CTR9: variants seen among roughly 807,000 people sequenced by gnomAD.
The protein encoded by CTR9 is RNA polymerase-associated protein CTR9 homolog.
A neutral mutation model predicts 152.1 loss-of-function variants in CTR9; 41 were observed. The ratio of observed to expected loss-of-function variants is 0.27; its 90% CI spans 0.21 to 0.35. The LOEUF (loss-of-function observed/expected upper bound fraction) is 0.35, where lower values mean the gene tolerates loss of function less well. CTR9 is among the 10% of genes least tolerant of loss of function. The probability of loss-of-function intolerance (pLI) is 1.00; values close to 1 mark genes in which losing one functional copy is unlikely to be tolerated. For synonymous variants in CTR9, 476 were observed against 496.2 expected, an observed-to-expected ratio of 0.96 and a Z score of 0.54; for missense variants, 917 against 1,424.4, an observed-to-expected ratio of 0.64 and a Z score of 5.73.
chr11:10,759,568 G>A (rs930732527), intron 5 of CTR9, among the ~76,000 whole-genome samples: 1 of 152,184 alleles, frequency 6.6e-6, no homozygotes, highest in Non-Finnish European at 1.5e-5. Context: ...AAGGGATATA[G>A]AATCAAGAGA....
chr11:10,767,103 A>C lies in CTR9; in HGVS notation c.1686+613A>C, dbSNP rs1863072268. 6.5e-6 allele frequency: 1 copy of C among 152,742 alleles called. No individual in the cohort carries two copies. The highest frequency in any genetic ancestry group is 2.4e-5 in the African/African-American group (1 of 41,462). 9.5% of individuals were successfully genotyped at this position (152,742 alleles called of 1,614,324 possible). A position where few individuals can be genotyped will look rare whatever the true frequency, so the allele number is the denominator to read the frequency against. On this transcript the variant is annotated intron_variant, in intron 13 of 24. Coordinates refer to ENST00000361367, the MANE Select transcript of CTR9 (RefSeq NM_014633.5). The surrounding 1 kb of genome is among the most constrained non-coding windows in gnomAD (Gnocchi z 4.0). ...ACTAAATGGATTTTACAACTTACTA[A>C]TGGGTATCAACTCAGTTTGAAAACC...
chr11:10,774,066 G>T lies in CTR9; in HGVS notation c.2782G>T (p.Asp928Tyr). Residue 928 changes from aspartate (D) to tyrosine (Y), a missense_variant, in exon 22 of 25, where the codon GAC becomes TAC. Physicochemically the swap from Asp to Tyr is radical, Grantham distance 160. Around this residue, in one of 9 missense-constraint regions of CTR9, gnomAD observed 384 missense variants for 398.4 expected, o/e 0.96. Transcript: ENST00000361367. ...ATTTGTCAATGATGACACTGATGATGACCTACCTATATCCAAAAAGAAGAA... is the reference window on the plus strand; with the variant it reads ...ATTTGTCAATGATGACACTGATGATTACCTACCTATATCCAAAAAGAAGAA... Reference protein sequence around the residue: ...DEFVNDDTDDDLPISKKKKRR... With the variant: ...DEFVNDDTDDYLPISKKKKRR... The T allele has an allele frequency of 6.2e-7, 1 of 1,613,210 alleles. No individual in the cohort carries two copies. The highest frequency in any genetic ancestry group is 1.1e-5 in the South Asian group (1 of 91,008).
intron 4 of CTR9, among the ~76,000 whole-genome samples, 161 bp from the exon 5 acceptor site, chr11:10,756,588 G>A (rs1229958787): frequency 6.6e-6 from 1 of 152,104 alleles, no homozygotes; most frequent in Non-Finnish European, 1.5e-5. Flanking sequence ...ACATAAATTA[G>A]TATACTTTTA....
Position 10,770,203 on chromosome 11 carries a change from A to G in CTR9, c.2110-7A>G, listed in dbSNP as rs772012925. The G allele has an allele frequency of 6.3e-7, 1 of 1,577,674 alleles. No homozygotes were observed. Among genetic ancestry groups the G allele is most frequent in the Non-Finnish European group, 8.6e-7 (1 of 1,160,188 alleles). Reference sequence around the variant, plus strand: ...GTGTTTTAATTAACTTTTTTCTTTTACTGTAGTATGAAAACTGCCTCCGAA... The same window carrying G: ...GTGTTTTAATTAACTTTTTTCTTTTGCTGTAGTATGAAAACTGCCTCCGAA... On this transcript the variant is annotated splice_region_variant and splice_polypyrimidine_tract_variant and intron_variant, in intron 16 of 24. Transcript: ENST00000361367.
At chr11:10,752,808 C>T in intron 2 of CTR9, 38 bp downstream of exon 2, 1 of 1,497,782 alleles carries the variant, frequency 6.7e-7, no homozygotes. Context: ...TATTTGTTGA[C>T]TAGGAAAATA....
intron 7 of CTR9, among the ~76,000 whole-genome samples, chr11:10,762,331 A>G (rs1005812188): frequency 2.6e-5 from 4 of 152,224 alleles, no homozygotes; most frequent in African/African-American, 9.6e-5. Flanking sequence ...GTTCAATTTC[A>G]TAGAAAGAGC....
At chr11:10,754,598 G>C (rs1862856397) in intron 2 of CTR9, among the ~76,000 whole-genome samples, 1 of 151,716 alleles carries the variant, frequency 6.6e-6, no homozygotes, top group Admixed American at 6.6e-5. Context: ...CCTAATCCCT[G>C]TGCCAGACAA....
chr11:10,779,019 G>A lies in CTR9; in HGVS notation c.3436G>A (p.Gly1146Ser). 6.2e-7 allele frequency: 1 copy of A among 1,614,176 alleles called. No homozygotes were observed. The highest frequency in any genetic ancestry group is 8.5e-7 in the Non-Finnish European group (1 of 1,180,032). The change falls in exon 25 of 25, where the codon GGC (glycine) becomes AGC (serine). Residue 1146 changes from glycine (G) to serine (S), a missense_variant. Physicochemically the swap from Gly to Ser is moderately conservative, Grantham distance 56. This residue lies in a region of CTR9 where 384 missense variants were observed against 398.4 expected (regional missense o/e 0.96). Transcript: ENST00000361367. Reference protein sequence around the residue: ...RGSDNEGSGQGSGNESEPEGS... With the variant: ...RGSDNEGSGQSSGNESEPEGS... ...ATCTGATAATGAGGGTTCTGGCCAA[G>A]GCTCTGGAAATGAATCGGAACCAGA...
At chr11:10,755,831 G>A (rs1862876001) in intron 4 of CTR9, 36 bp downstream of exon 4, 3 of 1,300,826 alleles carry the variant, frequency 2.3e-6, no homozygotes, top group South Asian at 1.2e-5. Flanking sequence ...GGAAACAGTT[G>A]TTTTCAGCAT....
rs371018927 is a variant in CTR9 at position 10,778,906 on chromosome 11, A to T, written c.3323A>T (p.Gln1108Leu). 1.2e-6 allele frequency: 2 copies of T among 1,614,088 alleles called. No homozygotes were observed. The highest frequency in any genetic ancestry group is 1.7e-6 in the Non-Finnish European group (2 of 1,180,022). Residue 1108 changes from glutamine (Q) to leucine (L), a missense_variant, in exon 25 of 25, where the codon CAG becomes CTG. Coordinates refer to ENST00000361367, the MANE Select transcript of CTR9 (RefSeq NM_014633.5). ...GSEQSDNESVQSGRSHSGVSE... is the reference protein window; with the variant it reads ...GSEQSDNESVLSGRSHSGVSE... Reference sequence around the variant, plus strand: ...GAGCAGTCTGACAATGAATCTGTGCAGTCAGGGAGAAGCCACTCAGGAGTT... The same window carrying T: ...GAGCAGTCTGACAATGAATCTGTGCTGTCAGGGAGAAGCCACTCAGGAGTT...
At chr11:10,765,757 C>T (rs377204638) in intron 12 of CTR9, among the ~76,000 whole-genome samples, 6 of 152,246 alleles carry the variant, frequency 3.9e-5, no homozygotes, top group East Asian at 1.9e-4. Context: ...CCACCGTGCC[C>T]GGCATATCAG....
rs564728836 is a variant in CTR9 at position 10,771,186 on chromosome 11, C to A, written c.2373-359C>A. 3.3e-5 allele frequency among the ~76,000 whole-genome samples: 5 copies of A among 152,264 alleles called. No homozygotes were observed. In the South Asian group the frequency reaches 1.0e-3, roughly 32 times the overall value. The stretch of plus-strand genomic sequence containing the variant: ...AACCTGTCATCTCTTCAGGTTTTGT[C>A]CAACTTAATATTTTTATTCTTGTTT... On this transcript the variant is annotated intron_variant, in intron 18 of 24. Transcript: ENST00000361367.
intron 6 of CTR9, among the ~76,000 whole-genome samples, chr11:10,760,968 T>TA (rs2135363972): frequency 6.6e-6 from 1 of 152,318 alleles, no homozygotes; most frequent in East Asian, 1.9e-4. Flanking sequence ...GGCTTTCTCT[T>TA]AGAGAAGCCC....
intron 16 of CTR9, 36 bp downstream of exon 16, chr11:10,768,527 G>A (rs762446267): frequency 1.3e-6 from 2 of 1,569,666 alleles, no homozygotes; most frequent in East Asian, 2.3e-5. Context: ...TTTATATCTT[G>A]TTCATTGTTA....
At position 10,779,069 on chromosome 11, in the gene CTR9, T is replaced by C; in HGVS notation, c.3486T>C (p.Asp1162=). The C allele has an allele frequency of 2.5e-6, 4 of 1,614,152 alleles. No homozygotes were observed. Among genetic ancestry groups the C allele is most frequent in the Non-Finnish European group, 2.5e-6 (3 of 1,180,012 alleles). Residue 1162 remains aspartate (D), a synonymous_variant, in exon 25 of 25, where the codon GAT becomes GAC. Coordinates refer to ENST00000361367, the MANE Select transcript of CTR9 (RefSeq NM_014633.5). ...AGGGATCCAACAATGAGGCCTCAGATAGAGGCTCAGAACATGGGTCAGATG... is the reference window on the plus strand; with the variant it reads ...AGGGATCCAACAATGAGGCCTCAGACAGAGGCTCAGAACATGGGTCAGATG... ...EPEGSNNEAS[D]RGSEHGSDDS...
chr11:10,753,229 G>A (rs78880444), intron 2 of CTR9, among the ~76,000 whole-genome samples: 1 of 152,002 alleles, frequency 6.6e-6, no homozygotes, highest in East Asian at 1.9e-4. Flanking sequence ...GTTTATCTCA[G>A]ACTTATGTTT....
chr11:10,753,676 TATATATA>T (rs1862839666), intron 2 of CTR9, among the ~76,000 whole-genome samples: 1 of 148,272 alleles, frequency 6.7e-6, no homozygotes, highest in Non-Finnish European at 1.5e-5. Context: ...AATTTAGATG[TATATATA>T]ATATATATTA....
intron 24 of CTR9, 31 bp downstream of exon 24, chr11:10,775,664 C>A (rs977322475): frequency 7.0e-7 from 1 of 1,423,354 alleles, no homozygotes; most frequent in Non-Finnish European, 9.8e-7. Flanking sequence ...AAATTCTTCT[C>A]ATGATGTAGA....
intron 21 of CTR9, 108 bp from the exon 22 acceptor site, chr11:10,773,902 AAT>A: frequency 1.3e-6 from 1 of 745,228 alleles, no homozygotes; most frequent in Non-Finnish European, 2.1e-6. Flanking sequence ...AAAAAAAAAA[AAT>A]CCTTCATTGT....
Sources: allele counts gnomAD v4.1 joint callset (sites outside exome capture counted in the v4.1 genomes callset), GRCh38; gene constraint gnomAD v4.1.1; regional missense constraint gnomAD v4.1.1; non-coding constraint Gnocchi (gnomAD v3.1); transcripts MANE v1.5; gene names NCBI Gene and HGNC (gene_info 2026-07-23, HGNC 2026-07-21).